Variants in SLC68A1 observed in about 807,000 individuals in gnomAD.
SLC68A1 encodes the protein major facilitator superfamily domain containing 13A.
the SLC68A1 span, chr10:102,470,035 G>C: frequency 6.2e-7 from 1 of 1,614,054 alleles, no homozygotes; most frequent in Non-Finnish European, 8.5e-7. Context: ...CCCCCTCTTC[G>C]GTTGGCTCAG....
the SLC68A1 span, among the ~76,000 whole-genome samples, chr10:102,463,371 T>G: frequency 2.6e-5 from 4 of 152,024 alleles, no homozygotes; most frequent in African/African-American, 9.7e-5. Flanking sequence ...GGAGGTTTCA[T>G]CGTGTTAGCC....
the SLC68A1 span, chr10:102,470,184 C>T: frequency 9.8e-7 from 1 of 1,020,874 alleles, no homozygotes; most frequent in Non-Finnish European, 1.5e-6. Context: ...GAGACTATTT[C>T]AGTGTTGCCC....
the SLC68A1 span, chr10:102,469,197 G>C: frequency 5.6e-6 from 9 of 1,614,070 alleles, no homozygotes; most frequent in South Asian, 8.8e-5. Context: ...GGGTCGGAGA[G>C]GTAGGGCCAG....
At chr10:102,471,276 G>T in the SLC68A1 span, 1 of 1,613,806 alleles carries the variant, frequency 6.2e-7, no homozygotes, top group Middle Eastern at 1.7e-4. Context: ...CCCATAGCCT[G>T]TGTGGAGAGG....
At chr10:102,470,486 T>C in the SLC68A1 span, among the ~76,000 whole-genome samples, 2 of 152,178 alleles carry the variant, frequency 1.3e-5, no homozygotes, top group African/African-American at 2.4e-5. Flanking sequence ...GAGGAGAGTG[T>C]ACCCACTGGT....
chr10:102,470,632 G>T, the SLC68A1 span: 1 of 1,589,190 alleles, frequency 6.3e-7, no homozygotes, highest in South Asian at 1.1e-5. Context: ...AGTCTGACAC[G>T]GCATCTCCCA....
chr10:102,470,742 C>T, the SLC68A1 span: 16 of 1,613,764 alleles, frequency 9.9e-6, no homozygotes, highest in South Asian at 1.1e-4. Context: ...CCGCTGCTGG[C>T]GCTGTCGTTC....
At chr10:102,470,757 C>T in the SLC68A1 span, 53 of 1,613,852 alleles carry the variant, frequency 3.3e-5, no homozygotes, top group Non-Finnish European at 4.3e-5. Context: ...TCGTTCCTGG[C>T]GTTCTGGGTG....
the SLC68A1 span, chr10:102,468,943 C>T: frequency 2.5e-6 from 3 of 1,214,808 alleles, no homozygotes; most frequent in Non-Finnish European, 2.3e-6. Context: ...TCACTGGTTC[C>T]TTCTTCCCCA....
the SLC68A1 span, among the ~76,000 whole-genome samples, chr10:102,474,510 A>C: frequency 6.6e-6 from 1 of 152,274 alleles, no homozygotes; most frequent in East Asian, 1.9e-4. Context: ...GTCTCAGTGA[A>C]TCGCAGGCAG....
chr10:102,466,597 G>T, the SLC68A1 span, among the ~76,000 whole-genome samples: 1 of 152,096 alleles, frequency 6.6e-6, no homozygotes, highest in Admixed American at 6.6e-5. Flanking sequence ...AAGTACAGTT[G>T]GGATTTGAAC....
At chr10:102,473,104 G>A in the SLC68A1 span, 2 of 685,686 alleles carry the variant, frequency 2.9e-6, no homozygotes, top group South Asian at 1.7e-5. Flanking sequence ...GGGATTACAG[G>A]TGTGAGCCAC....
the SLC68A1 span, among the ~76,000 whole-genome samples, chr10:102,467,847 G>C: frequency 6.6e-6 from 1 of 151,994 alleles, no homozygotes; most frequent in African/African-American, 2.4e-5. Flanking sequence ...TAGTAGAGAC[G>C]GGGTTTCACC....
the SLC68A1 span, chr10:102,470,025 C>A: frequency 1.9e-6 from 3 of 1,614,066 alleles, no homozygotes; most frequent in Non-Finnish European, 2.5e-6. Context: ...GCCTCAATGA[C>A]CCCCTCTTCG....
chr10:102,467,274 G>A, the SLC68A1 span, among the ~76,000 whole-genome samples: 1 of 152,164 alleles, frequency 6.6e-6, no homozygotes, highest in Non-Finnish European at 1.5e-5. Context: ...GGCCTCAAGT[G>A]ATCTGCCCAC....
chr10:102,470,439 C>G, the SLC68A1 span, among the ~76,000 whole-genome samples: 1 of 152,198 alleles, frequency 6.6e-6, no homozygotes, highest in Non-Finnish European at 1.5e-5. Context: ...GGCCATCAGC[C>G]CAACAGGCTA....
the SLC68A1 span, chr10:102,466,117 C>T: frequency 2.6e-5 from 4 of 152,236 alleles, no homozygotes; most frequent in African/African-American, 4.8e-5. Context: ...ACTTTCTGAG[C>T]ATCTTCCGTG....
At chr10:102,470,709 T>A in the SLC68A1 span, 2 of 1,611,826 alleles carry the variant, frequency 1.2e-6, no homozygotes, top group Non-Finnish European at 1.7e-6. Flanking sequence ...CTGGCCCGGG[T>A]GCAGGCCCTG....
chr10:102,462,495 T>G, the SLC68A1 span, among the ~76,000 whole-genome samples: 1 of 152,172 alleles, frequency 6.6e-6, no homozygotes, highest in Non-Finnish European at 1.5e-5. Flanking sequence ...GGGGCCCAGT[T>G]CGGCATTCTT....
Sources: allele counts gnomAD v4.1 joint callset (sites outside exome capture counted in the v4.1 genomes callset), GRCh38; gene constraint gnomAD v4.1.1; transcripts MANE v1.5; gene names NCBI Gene and HGNC (gene_info 2026-07-23, HGNC 2026-07-21).